HDAC9: variants seen among roughly 807,000 people sequenced by gnomAD.
HDAC9 encodes the protein histone deacetylase 9.
In HDAC9, 41 loss-of-function variants were observed where a neutral mutation model predicts 139.4. The observed-to-expected ratio is 0.29, with a 90% confidence interval of 0.23 to 0.38. The LOEUF is 0.38. Among genes scored for constraint, HDAC9 ranks in the 10% least tolerant of loss-of-function variants. The probability of loss-of-function intolerance (pLI) is 1.00; values close to 1 mark genes in which losing one functional copy is unlikely to be tolerated. For missense variants in HDAC9, 1,147 were observed against 1,297.0 expected (o/e 0.88, Z 1.78); for synonymous variants, 517 against 476.2 (o/e 1.09, Z -1.12).
At chr7:18,603,352 T>A (rs1192673625) in intron 6 of HDAC9, among the ~76,000 whole-genome samples, 1 of 152,114 alleles carries the variant, frequency 6.6e-6, no homozygotes, top group Admixed American at 6.5e-5. Flanking sequence ...TTCTTCATTA[T>A]ATTTACTTTT....
chr7:18,435,190 T>A (rs2128767469), intron 1 of HDAC9, among the ~76,000 whole-genome samples: 1 of 152,058 alleles, frequency 6.6e-6, no homozygotes, highest in East Asian at 1.9e-4. Context: ...TACTTATACT[T>A]GGGAGCTAAA....
In HDAC9 at chr7:18,890,839, A is replaced by G. The variant is rs556718698; in HGVS notation, c.2803+16243A>G. Reference sequence around the variant, plus strand: ...AATATAAACTTTAAGCGAAAGTAGAAAATAGATGAAAGGATAGGTGGAGCT... The same window carrying G: ...AATATAAACTTTAAGCGAAAGTAGAGAATAGATGAAAGGATAGGTGGAGCT... On this transcript the variant is annotated intron_variant, in intron 22 of 25. Transcript: ENST00000686413. Among the ~76,000 whole-genome samples the G allele has an allele frequency of 5.3e-5, 8 of 152,334 alleles. No individual in the cohort carries two copies. The South Asian group carries it at 1.7e-3, about 32-fold the overall frequency.
At chr7:18,791,842 T>A (rs1487437592) in intron 16 of HDAC9, among the ~76,000 whole-genome samples, 1 of 152,202 alleles carries the variant, frequency 6.6e-6, no homozygotes, top group Non-Finnish European at 1.5e-5. Flanking sequence ...TAGCTTTTGT[T>A]TACCACTTAG....
At chr7:18,120,887 C>T (rs772483220) in intron 1 of HDAC9, among the ~76,000 whole-genome samples, 22 of 152,226 alleles carry the variant, frequency 1.4e-4, no homozygotes, top group Non-Finnish European at 2.1e-4. Flanking sequence ...GTTGAGAAAT[C>T]GAAGACTCTT....
At chr7:18,332,282 A>G (rs1314218910) in intron 1 of HDAC9, among the ~76,000 whole-genome samples, 1 of 151,444 alleles carries the variant, frequency 6.6e-6, no homozygotes, top group Non-Finnish European at 1.5e-5. Flanking sequence ...GAGTTCCCCT[A>G]AGAGCCTTCC....
chr7:18,449,382 A>G (rs1257101641), intron 1 of HDAC9, among the ~76,000 whole-genome samples: 1 of 152,202 alleles, frequency 6.6e-6, no homozygotes, highest in Non-Finnish European at 1.5e-5. Context: ...AGTGCCTACT[A>G]TATGACTCAA....
At chr7:18,227,630 A>G (rs1281668672) in intron 2 of HDAC9, among the ~76,000 whole-genome samples, 6 of 152,206 alleles carry the variant, frequency 3.9e-5, no homozygotes. Context: ...AATTTACACC[A>G]GAAAGTCTTT....
At chr7:18,728,402 A>AC (rs1785731874) in intron 13 of HDAC9, among the ~76,000 whole-genome samples, 1 of 145,554 alleles carries the variant, frequency 6.9e-6, no homozygotes, top group Admixed American at 6.9e-5. Flanking sequence ...TTAAGTGTGG[A>AC]ACACACACAC....
chr7:18,977,795 G>A (rs10244193), intron 25 of HDAC9, among the ~76,000 whole-genome samples: 2,409 of 152,162 alleles, frequency 0.016, 61 homozygotes, highest in African/African-American at 0.055. Flanking sequence ...AGTTTTGCTT[G>A]AAATATTTCT....
At chr7:18,638,813 T>G (rs1257704516) in intron 8 of HDAC9, among the ~76,000 whole-genome samples, 2 of 152,108 alleles carry the variant, frequency 1.3e-5, no homozygotes, top group African/African-American at 4.8e-5. Flanking sequence ...GAACTCAGAT[T>G]GTTGGAGCTA....
chr7:18,949,951 C>G (rs947587124), intron 23 of HDAC9, among the ~76,000 whole-genome samples: 2 of 151,682 alleles, frequency 1.3e-5, no homozygotes, highest in Non-Finnish European at 2.9e-5. Flanking sequence ...TTAAACAAAC[C>G]AAATACCTAG....
intron 22 of HDAC9, among the ~76,000 whole-genome samples, chr7:18,921,003 A>T (rs539677385): frequency 6.6e-6 from 1 of 152,092 alleles, no homozygotes; most frequent in Non-Finnish European, 1.5e-5. Flanking sequence ...TATTTAATAA[A>T]TGGTGCTGGG....
chr7:18,495,809 G>A lies in HDAC9; in HGVS notation c.-256G>A. On this transcript the variant is annotated 5_prime_UTR_variant, in exon 1 of 26. Transcript: ENST00000686413. The stretch of plus-strand genomic sequence containing the variant: ...CGGCTGGAGCCACTTGCAGGACTGA[G>A]GGTTTTTGCAACAAAACCCTAGCAG... The A allele has an allele frequency of 9.9e-7, 1 of 1,012,484 alleles. No homozygotes were observed. Among genetic ancestry groups the A allele is most frequent in the Non-Finnish European group, 1.2e-6 (1 of 848,128 alleles). The allele number at this position is 1,012,484 out of a possible 1,614,324, so 62.7% of individuals were successfully genotyped here.
intron 22 of HDAC9, among the ~76,000 whole-genome samples, chr7:18,909,995 T>C (rs2129288741): frequency 6.6e-6 from 1 of 152,062 alleles, no homozygotes; most frequent in Non-Finnish European, 1.5e-5. Context: ...TTTTTATTTG[T>C]GCAGAGAATG....
At chr7:18,218,524 A>G (rs1250452675) in intron 2 of HDAC9, among the ~76,000 whole-genome samples, 1 of 152,146 alleles carries the variant, frequency 6.6e-6, no homozygotes, top group Non-Finnish European at 1.5e-5. Context: ...CCTACTAACC[A>G]ACCGTTATAC....
chr7:18,975,261 C>T (rs1784480245), intron 24 of HDAC9, among the ~76,000 whole-genome samples: 2 of 152,198 alleles, frequency 1.3e-5, no homozygotes, highest in Admixed American at 1.3e-4. Flanking sequence ...CTAGTACACA[C>T]CCTGAGGTTG....
At chr7:18,794,636 A>G (rs76599480) in intron 17 of HDAC9, among the ~76,000 whole-genome samples, 295 of 152,340 alleles carry the variant, frequency 1.9e-3, no homozygotes, top group African/African-American at 6.8e-3. Flanking sequence ...TTACCTTTGA[A>G]AATGAGCAAA....
chr7:18,181,904 C>G (rs759317370), intron 2 of HDAC9, among the ~76,000 whole-genome samples: 1 of 152,106 alleles, frequency 6.6e-6, no homozygotes, highest in Non-Finnish European at 1.5e-5. Context: ...TATATAGAAA[C>G]AAAATAGTTT....
intron 2 of HDAC9, among the ~76,000 whole-genome samples, chr7:18,229,282 T>G (rs1318721002): frequency 6.6e-6 from 1 of 152,228 alleles, no homozygotes; most frequent in Non-Finnish European, 1.5e-5. Flanking sequence ...ATACATGGTG[T>G]GGTAACGATC....
Sources: allele counts gnomAD v4.1 joint callset (sites outside exome capture counted in the v4.1 genomes callset), GRCh38; gene constraint gnomAD v4.1.1; transcripts MANE v1.5; gene names NCBI Gene and HGNC (gene_info 2026-07-23, HGNC 2026-07-21).